Variants in RPS6KA6 observed in about 807,000 individuals in gnomAD.
RPS6KA6 encodes ribosomal protein S6 kinase alpha-6.
A neutral mutation model predicts 65.4 loss-of-function variants in RPS6KA6; 27 were observed. That is an observed-to-expected ratio of 0.41 (90% CI 0.30 to 0.57). RPS6KA6 has a LOEUF of 0.57. Ranked by LOEUF, RPS6KA6 falls within the 20% of genes least tolerant of loss-of-function variation. The probability of loss-of-function intolerance (pLI) is 0.24; values close to 1 mark genes in which losing one functional copy is unlikely to be tolerated. For synonymous variants in RPS6KA6, 190 were observed against 184.2 expected (o/e 1.03, Z -0.26); for missense variants, 486 against 555.6 (o/e 0.87, Z 1.26).
chrX:84,131,965 G>T (rs1199635041), intron 8 of RPS6KA6, among the ~76,000 whole-genome samples: 2 of 111,575 alleles, frequency 1.8e-5, no homozygotes, highest in Admixed American at 1.9e-4. Context: ...CAATCTCAGT[G>T]ATTAGTTTGC....
At chrX:84,143,616 A>G (rs931336250) in intron 6 of RPS6KA6, among the ~76,000 whole-genome samples, 2 of 111,652 alleles carry the variant, frequency 1.8e-5, no homozygotes, top group Non-Finnish European at 3.8e-5. Flanking sequence ...TTATCTGCAA[A>G]TTGACCTATA....
chrX:84,178,710 A>G (rs2035804416), intron 1 of RPS6KA6, among the ~76,000 whole-genome samples: 1 of 111,520 alleles, frequency 9.0e-6, no homozygotes, highest in South Asian at 3.7e-4. Context: ...ATGGTGGCAG[A>G]GCAACTGGAC....
At chrX:84,137,053 T>C (rs1420145370) in intron 6 of RPS6KA6, among the ~76,000 whole-genome samples, 1 of 111,957 alleles carries the variant, frequency 8.9e-6, no homozygotes. Flanking sequence ...ATCGTCCTAC[T>C]CATAAATTGC....
chrX:84,174,077 G>C (rs1265788701), intron 1 of RPS6KA6, among the ~76,000 whole-genome samples: 3 of 111,799 alleles, frequency 2.7e-5, no homozygotes, highest in Admixed American at 1.9e-4. Context: ...CCAAAAATAA[G>C]ATTTAGTTGG....
intron 20 of RPS6KA6, among the ~76,000 whole-genome samples, chrX:84,090,795 T>C (rs1181940610): frequency 9.0e-6 from 1 of 111,661 alleles, no homozygotes; most frequent in African/African-American, 3.3e-5. Context: ...GATTTTGAGT[T>C]TGGACACAGC....
chrX:84,119,119 A>C (rs1255184644), intron 9 of RPS6KA6, among the ~76,000 whole-genome samples: 3 of 111,274 alleles, frequency 2.7e-5, no homozygotes, highest in African/African-American at 9.8e-5. Flanking sequence ...TCTTCCCTGA[A>C]CTCCTAAGGT....
At chrX:84,187,681 C>A in intron 1 of RPS6KA6, 138 bp downstream of exon 1, 1 of 523,516 alleles carries the variant, frequency 1.9e-6, no homozygotes, top group Non-Finnish European at 3.0e-6. Flanking sequence ...AGCGAAAGGG[C>A]AGTGGAGGCA....
At chrX:84,072,325 A>G (rs888258209) in intron 20 of RPS6KA6, among the ~76,000 whole-genome samples, 1 of 112,270 alleles carries the variant, frequency 8.9e-6, no homozygotes, top group Non-Finnish European at 1.9e-5. Context: ...TTTAAAATGC[A>G]GAAAAAGCAT....
intron 8 of RPS6KA6, among the ~76,000 whole-genome samples, chrX:84,125,592 T>C (rs981697867): frequency 1.8e-5 from 2 of 111,542 alleles, no homozygotes; most frequent in African/African-American, 6.5e-5. Flanking sequence ...TGGTGGATCA[T>C]GCCTGTAATC....
chrX:84,161,951 A>G (rs2035520720), intron 2 of RPS6KA6, among the ~76,000 whole-genome samples: 1 of 111,920 alleles, frequency 8.9e-6, no homozygotes, highest in Non-Finnish European at 1.9e-5. Context: ...CAGAAAAAAC[A>G]GATACTGGGT....
intron 9 of RPS6KA6, 136 bp downstream of exon 9, chrX:84,119,749 C>T (rs1048187594): frequency 1.3e-5 from 5 of 375,726 alleles, no homozygotes; most frequent in African/African-American, 1.3e-4. Flanking sequence ...GCTAGCCAAT[C>T]ACAAGGTTTT....
chrX:84,150,886 T>TAGAGGATATATATAGGATATATATATAG (rs2035294880), intron 3 of RPS6KA6, among the ~76,000 whole-genome samples: 4 of 89,219 alleles, frequency 4.5e-5, no homozygotes, highest in East Asian at 3.9e-4. Context: ...TATATATATA[T>TAGAGGATATATATAGGATATATATATAG]AGAGGATATA....
At chrX:84,076,187 A>G (rs772223116) in intron 20 of RPS6KA6, among the ~76,000 whole-genome samples, 23 of 112,241 alleles carry the variant, frequency 2.0e-4, no homozygotes, top group Non-Finnish European at 3.8e-4. Flanking sequence ...TTTCCAACAA[A>G]GAAAACTGTA....
chrX:84,099,328 T>C (rs2034217089), intron 18 of RPS6KA6, among the ~76,000 whole-genome samples: 1 of 111,264 alleles, frequency 9.0e-6, no homozygotes, highest in Non-Finnish European at 1.9e-5. Context: ...CATATAATCA[T>C]AAAAGAAACA....
chrX:84,176,956 A>T (rs1163983500), intron 1 of RPS6KA6, among the ~76,000 whole-genome samples: 1 of 112,015 alleles, frequency 8.9e-6, no homozygotes, highest in Non-Finnish European at 1.9e-5. Context: ...CTGTCAAAAA[A>T]CTACTCAGAG....
At chrX:84,183,575 T>C (rs1347473631) in intron 1 of RPS6KA6, among the ~76,000 whole-genome samples, 4 of 111,850 alleles carry the variant, frequency 3.6e-5, no homozygotes, top group African/African-American at 1.3e-4. Flanking sequence ...TGGGCCTAGC[T>C]TACCTTTAAT....
At chrX:84,094,834 T>C (rs1440597928) in intron 20 of RPS6KA6, among the ~76,000 whole-genome samples, 1 of 111,410 alleles carries the variant, frequency 9.0e-6, no homozygotes, top group Non-Finnish European at 1.9e-5. Context: ...AGGAGATTCA[T>C]ATGCATGGCT....
chrX:84,096,533 T>G (rs1362040606), intron 19 of RPS6KA6, among the ~76,000 whole-genome samples: 2 of 111,522 alleles, frequency 1.8e-5, no homozygotes, highest in Non-Finnish European at 3.8e-5. Context: ...AATTATTTCT[T>G]TTGTCTCTGA....
chrX:84,127,422 A>G (rs761102216), intron 8 of RPS6KA6, among the ~76,000 whole-genome samples: 1 of 111,321 alleles, frequency 9.0e-6, no homozygotes, highest in African/African-American at 3.3e-5. Flanking sequence ...CCTGTTCATA[A>G]TATTCCAAAA....
Sources: allele counts gnomAD v4.1 joint callset (sites outside exome capture counted in the v4.1 genomes callset), GRCh38; gene constraint gnomAD v4.1.1; transcripts MANE v1.5; gene names NCBI Gene and HGNC (gene_info 2026-07-23, HGNC 2026-07-21).